Variants in CDYL observed in about 807,000 individuals in gnomAD.
The protein encoded by CDYL is chromodomain Y-like protein.
CDYL carries 8 observed loss-of-function variants against 47.3 expected under a neutral mutation model. The observed-to-expected ratio is 0.17, with a 90% CI of 0.10 to 0.31. The LOEUF (loss-of-function observed/expected upper bound fraction) is 0.31. Among genes scored for constraint, CDYL ranks in the 10% least tolerant of loss-of-function variants. CDYL has a pLI of 1.00. For synonymous variants in CDYL, 266 were observed against 265.0 expected, an observed-to-expected ratio of 1.00 and a Z score of -0.04; for missense variants, 471 against 701.4, an observed-to-expected ratio of 0.67 and a Z score of 3.71.
chr6:4,841,357 C>T (rs1334194934), intron 1 of CDYL, among the ~76,000 whole-genome samples: 2 of 151,988 alleles, frequency 1.3e-5, no homozygotes, highest in African/African-American at 4.8e-5. Flanking sequence ...CTTTTTGTTT[C>T]ATTTACCTTT....
intron 1 of CDYL, among the ~76,000 whole-genome samples, chr6:4,830,694 C>A (rs1036267006): frequency 6.6e-6 from 1 of 151,802 alleles, no homozygotes; most frequent in Non-Finnish European, 1.5e-5. Flanking sequence ...TGCTGGTGCA[C>A]TGCACCCACT....
intron 2 of CDYL, among the ~76,000 whole-genome samples, chr6:4,916,819 A>G (rs1339645445): frequency 6.6e-6 from 1 of 152,188 alleles, no homozygotes; most frequent in African/African-American, 2.4e-5. Flanking sequence ...AAGGAGGTGT[A>G]GTGTGTAGTG....
intron 1 of CDYL, among the ~76,000 whole-genome samples, chr6:4,707,359 A>T (rs6597088): frequency 6.6e-6 from 1 of 152,206 alleles, no homozygotes; most frequent in Non-Finnish European, 1.5e-5. Flanking sequence ...CCCACTGCAA[A>T]CTCTGTCTCC....
intron 2 of CDYL, among the ~76,000 whole-genome samples, chr6:4,929,107 A>G (rs548127651): frequency 6.6e-6 from 1 of 152,264 alleles, no homozygotes; most frequent in Admixed American, 6.5e-5. Flanking sequence ...ATTTTTTAAC[A>G]TTCCTTACAG....
Position 4,892,246 on chromosome 6 carries a change from G to A in CDYL, c.558G>A (p.Pro186=), listed in dbSNP as rs376653238. 2.5e-5 allele frequency: 41 copies of A among 1,614,224 alleles called. No individual in the cohort carries two copies. The African/African-American group carries it at 2.7e-4, about 10-fold the overall frequency. Residue 186 remains proline (P), a synonymous_variant, in exon 2 of 7, where the codon CCG becomes CCA. Transcript: ENST00000397588. ...TVAPEVAAEK[P]VGALLGPGAE... is the part of the protein sequence containing the mutation. ...CACCCGAAGTGGCAGCGGAAAAGCC[G>A]GTCGGAGCTTTATTGGGCCCCGGTG...
chr6:4,900,789 A>AT (rs1360137664), intron 2 of CDYL, among the ~76,000 whole-genome samples: 1 of 46,274 alleles, frequency 2.2e-5, no homozygotes, highest in Non-Finnish European at 4.2e-5. Context: ...GTATATATAT[A>AT]TATATATATA....
At chr6:4,905,851 A>G (rs918834125) in intron 2 of CDYL, among the ~76,000 whole-genome samples, 27 of 152,110 alleles carry the variant, frequency 1.8e-4, no homozygotes, top group African/African-American at 6.5e-4. Flanking sequence ...ACATGCATAG[A>G]TTGCATAGGG....
intron 3 of CDYL, among the ~76,000 whole-genome samples, chr6:4,743,592 A>G (rs564633104): frequency 1.3e-4 from 20 of 152,306 alleles, no homozygotes; most frequent in Admixed American, 1.1e-3. Flanking sequence ...ATGTTTTGCT[A>G]CAGCATAACA....
intron 2 of CDYL, among the ~76,000 whole-genome samples, chr6:4,933,068 T>G (rs1758077920): frequency 6.6e-6 from 1 of 152,142 alleles, no homozygotes; most frequent in African/African-American, 2.4e-5. Context: ...CTGCTCTCCT[T>G]CCTTTGAGGA....
intron 4 of CDYL, among the ~76,000 whole-genome samples, chr6:4,941,460 C>T (rs1758358734): frequency 6.6e-6 from 1 of 152,198 alleles, no homozygotes; most frequent in South Asian, 2.1e-4. Context: ...TCTCAGGGCT[C>T]ACTATTCAGA....
intron 1 of CDYL, among the ~76,000 whole-genome samples, chr6:4,784,831 G>T (rs1042776346): frequency 6.6e-6 from 1 of 152,154 alleles, no homozygotes; most frequent in African/African-American, 2.4e-5. Context: ...GAATCGTGGG[G>T]TGGATCTTTC....
rs1211416104 is a variant in CDYL, at chr6:4,875,823, T to G, written c.25-15890T>G. On this transcript the variant is annotated intron_variant, in intron 1 of 6. Coordinates refer to ENST00000397588, the MANE Select transcript of CDYL (RefSeq NM_004824.4). ...ATAACCCACTACAAAGAATGTCGTT[T>G]TACTATGCATCCATCCATCAGTCCA... Among the ~76,000 whole-genome samples, 3 of 152,234 alleles carry G rather than the reference T, an allele frequency of 2.0e-5. No individual in the cohort carries two copies. The East Asian group carries it at 5.8e-4, about 29-fold the overall frequency.
At chr6:4,940,386 G>A (rs1431270971) in intron 4 of CDYL, among the ~76,000 whole-genome samples, 1 of 152,124 alleles carries the variant, frequency 6.6e-6, no homozygotes, top group Admixed American at 6.5e-5. Flanking sequence ...TTTTTATGTG[G>A]ATAAAAGCTC....
chr6:4,759,923 A>AAAGAAGAAG (rs1444094906), intron 3 of CDYL, among the ~76,000 whole-genome samples: 1 of 118,100 alleles, frequency 8.5e-6, no homozygotes, highest in African/African-American at 3.7e-5. Context: ...AAAAAAAAAA[A>AAAGAAGAAG]AAGAAGAAGA....
At chr6:4,790,220 A>G (rs1053332923) in intron 1 of CDYL, among the ~76,000 whole-genome samples, 9 of 152,242 alleles carry the variant, frequency 5.9e-5, no homozygotes, top group African/African-American at 1.7e-4. Context: ...TTGAGTTTAT[A>G]AAGTACTAAT....
At chr6:4,869,054 G>A (rs535157663) in intron 1 of CDYL, among the ~76,000 whole-genome samples, 1 of 151,616 alleles carries the variant, frequency 6.6e-6, no homozygotes, top group African/African-American at 2.4e-5. Context: ...CTTGCAGACA[G>A]CATATGGTTG....
intron 2 of CDYL, among the ~76,000 whole-genome samples, chr6:4,734,365 C>T (rs966839): frequency 0.29 from 44,042 of 152,026 alleles, 6,518 homozygotes; most frequent in African/African-American, 0.33. Flanking sequence ...GCCAGCTCTC[C>T]CCATCACAGC....
chr6:4,835,610 G>A lies in CDYL; in HGVS notation c.25-56103G>A, dbSNP rs371810113. Among the ~76,000 whole-genome samples, 8 of 152,220 alleles carry A rather than the reference G, an allele frequency of 5.3e-5. No homozygotes were observed. The South Asian group carries it at 8.3e-4, about 16-fold the overall frequency. ...ACCACTGCTCTCTTCAAAGCTGTCA[G>A]ACAGGGACATTTAAGTCTGCAGAGC... On this transcript the variant is annotated intron_variant, in intron 1 of 6. Coordinates refer to ENST00000397588, the MANE Select transcript of CDYL (RefSeq NM_004824.4).
At chr6:4,860,103 G>GT (rs1256247456) in intron 1 of CDYL, among the ~76,000 whole-genome samples, 1 of 151,736 alleles carries the variant, frequency 6.6e-6, no homozygotes, top group Non-Finnish European at 1.5e-5. Context: ...GGGTTTCACC[G>GT]TGTTAGCCAG....
Sources: allele counts gnomAD v4.1 joint callset (sites outside exome capture counted in the v4.1 genomes callset), GRCh38; gene constraint gnomAD v4.1.1; transcripts MANE v1.5; gene names NCBI Gene and HGNC (gene_info 2026-07-23, HGNC 2026-07-21).